The following HTR3B variants were observed in gnomAD, a reference collection of about 807,000 sequenced individuals.
HTR3B encodes 5-hydroxytryptamine (serotonin) receptor 3B, ionotropic.
A neutral mutation model predicts 42.8 loss-of-function variants in HTR3B; 44 were observed. The observed-to-expected ratio is 1.03, with a 90% CI of 0.81 to 1.32. The LOEUF is 1.32. HTR3B is among the 40% of genes most tolerant of loss of function. HTR3B has a pLI of 0.00. For missense variants in HTR3B, 527 were observed against 536.5 expected (o/e 0.98, Z 0.17); for synonymous variants, 203 against 209.0 (o/e 0.97, Z 0.25).
chr11:113,905,008 C>T (rs1399218295), intron 1 of HTR3B, 23 bp downstream of exon 1: 2 of 1,551,462 alleles, frequency 1.3e-6, no homozygotes, highest in Non-Finnish European at 1.8e-6. Context: ...AATAATTTTA[C>T]TAGGCATTAA....
chr11:113,931,713 T>C (rs17116124), intron 3 of HTR3B, 45 bp from the exon 4 acceptor site: 40,799 of 1,073,176 alleles, frequency 0.038, 1,061 homozygotes, highest in African/African-American at 0.081. Flanking sequence ...GCGAAGTAGA[T>C]ATTGCCCCAT....
intron 2 of HTR3B, among the ~76,000 whole-genome samples, chr11:113,911,756 G>A (rs373440478): frequency 5.9e-5 from 9 of 152,086 alleles, no homozygotes; most frequent in African/African-American, 2.2e-4. Context: ...TTGAACTCCC[G>A]ACCTGAAGTG....
chr11:113,914,792 C>T (rs1949835313), intron 2 of HTR3B, among the ~76,000 whole-genome samples: 1 of 152,086 alleles, frequency 6.6e-6, no homozygotes, highest in Non-Finnish European at 1.5e-5. Context: ...TTGTTTCCTT[C>T]TCAGTTTTCT....
At chr11:113,939,446 A>G (rs1950116684) in intron 6 of HTR3B, among the ~76,000 whole-genome samples, 1 of 152,214 alleles carries the variant, frequency 6.6e-6, no homozygotes, top group South Asian at 2.1e-4. Flanking sequence ...CCCTTTCAAG[A>G]GCAGGCTCTG....
At chr11:113,921,395 C>T (rs1343816221) in intron 2 of HTR3B, among the ~76,000 whole-genome samples, 16 of 152,094 alleles carry the variant, frequency 1.1e-4, no homozygotes, top group Non-Finnish European at 2.2e-4. Flanking sequence ...CTGCCCGCCT[C>T]AGCCTCCCAA....
Position 113,944,093 on chromosome 11 carries a change from C to T in HTR3B, c.908-480C>T, listed in dbSNP as rs796647159. ...GGAGTGCAGTGGTGTGATCTCCGCTCCCTGCAACCTCCGCCTCCTGGGTTC... is the reference window on the plus strand; with the variant it reads ...GGAGTGCAGTGGTGTGATCTCCGCTTCCTGCAACCTCCGCCTCCTGGGTTC... On this transcript the variant is annotated intron_variant, in intron 7 of 8. Coordinates refer to ENST00000260191, the MANE Select transcript of HTR3B (RefSeq NM_006028.5). Among the ~76,000 whole-genome samples, 105 of 151,134 alleles carry T rather than the reference C, an allele frequency of 6.9e-4. 1 individual carries two copies. Among genetic ancestry groups the T allele is most frequent in the African/African-American group, 2.3e-3 (95 of 41,158 alleles).
chr11:113,931,718 C>A (rs1185713323), intron 3 of HTR3B, 40 bp from the exon 4 acceptor site: 3 of 1,130,926 alleles, frequency 2.7e-6, no homozygotes, highest in Non-Finnish European at 2.7e-6. Flanking sequence ...GTAGATATTG[C>A]CCCATTTTGA....
At chr11:113,933,145 C>A in intron 6 of HTR3B, 52 bp downstream of exon 6, 3 of 1,573,256 alleles carry the variant, frequency 1.9e-6, no homozygotes, top group Non-Finnish European at 2.6e-6. Flanking sequence ...AGCCTTTGGC[C>A]TTCTCTCTTG....
chr11:113,915,995 TGCCTG>T (rs1949849278), intron 2 of HTR3B, among the ~76,000 whole-genome samples: 1 of 152,204 alleles, frequency 6.6e-6, no homozygotes, highest in African/African-American at 2.4e-5. Flanking sequence ...CCCACGACCG[TGCCTG>T]GCTAATTTTT....
chr11:113,932,499 C>T (rs772960625), intron 5 of HTR3B, 41 bp downstream of exon 5: 5 of 1,469,584 alleles, frequency 3.4e-6, no homozygotes, highest in Non-Finnish European at 4.7e-6. Flanking sequence ...GGTTGGTGCA[C>T]ATAGGTGAAA....
intron 6 of HTR3B, among the ~76,000 whole-genome samples, chr11:113,933,922 G>T (rs1048657540): frequency 2.0e-5 from 3 of 152,204 alleles, no homozygotes; most frequent in Admixed American, 2.0e-4. Flanking sequence ...TGAGGGAATG[G>T]TGGTCCTTCA....
intron 2 of HTR3B, among the ~76,000 whole-genome samples, chr11:113,913,017 A>C (rs962772641): frequency 4.7e-5 from 7 of 149,058 alleles, no homozygotes; most frequent in Non-Finnish European, 1.0e-4. Flanking sequence ...ATAATATAAT[A>C]ACATATAATA....
Position 113,931,429 on chromosome 11 carries a change from G to A in HTR3B, c.258+1G>A. 6.3e-7 allele frequency: 1 copy of A among 1,579,032 alleles called. No individual in the cohort carries two copies. Among genetic ancestry groups the A allele is most frequent in the Non-Finnish European group, 8.7e-7 (1 of 1,155,712 alleles). ...AAAGACAAGTGTATGGTACCAAGAG[G>A]TAAATAATTATGTTTTCTTCTAAAT... On this transcript the variant is annotated splice_donor_variant, in intron 3 of 8. Coordinates refer to ENST00000260191, the MANE Select transcript of HTR3B (RefSeq NM_006028.5). LOFTEE classifies it high-confidence loss of function.
intron 6 of HTR3B, among the ~76,000 whole-genome samples, chr11:113,941,571 G>T (rs142715339): frequency 6.6e-6 from 1 of 152,160 alleles, no homozygotes; most frequent in African/African-American, 2.4e-5. Flanking sequence ...CCACTGAGAC[G>T]CACTCCTCCA....
chr11:113,941,640 T>C (rs1191948376), intron 6 of HTR3B, among the ~76,000 whole-genome samples: 1 of 151,804 alleles, frequency 6.6e-6, no homozygotes, highest in Non-Finnish European at 1.5e-5. Context: ...GGACCACTGG[T>C]CATGCTTGAC....
At chr11:113,918,551 T>TA (rs1477620128) in intron 2 of HTR3B, among the ~76,000 whole-genome samples, 1 of 152,102 alleles carries the variant, frequency 6.6e-6, no homozygotes. Context: ...ATAATTCCCT[T>TA]ATGGTCCATC....
intron 2 of HTR3B, among the ~76,000 whole-genome samples, chr11:113,921,232 G>T (rs1321692568): frequency 6.8e-6 from 1 of 148,030 alleles, no homozygotes; most frequent in African/African-American, 2.5e-5. Flanking sequence ...TGCAACCTCC[G>T]CCTCCCAGGT....
upstream of HTR3B, among the ~76,000 whole-genome samples, chr11:113,900,491 T>C (rs1347020098): frequency 1.3e-5 from 2 of 152,110 alleles, no homozygotes; most frequent in Non-Finnish European, 2.9e-5. Context: ...ATTTATTTTA[T>C]TTTATTTTGT....
In HTR3B at chr11:113,943,985, G is replaced by T. The variant is rs1319821413; in HGVS notation, c.908-588G>T. 2.0e-5 allele frequency among the ~76,000 whole-genome samples: 3 copies of T among 151,250 alleles called. No individual in the cohort carries two copies. In the East Asian group the frequency reaches 5.9e-4, roughly 30 times the overall value. On this transcript the variant is annotated intron_variant, in intron 7 of 8. Coordinates refer to ENST00000260191, the MANE Select transcript of HTR3B (RefSeq NM_006028.5). ...AGGTGGGAGGATTGCTTGAGCCCAA[G>T]AGTTCAAGACAACATAGTGAGGACT... is the stretch of plus-strand genomic sequence containing the variant.
Sources: allele counts gnomAD v4.1 joint callset (sites outside exome capture counted in the v4.1 genomes callset), GRCh38; gene constraint gnomAD v4.1.1; transcripts MANE v1.5; gene names NCBI Gene and HGNC (gene_info 2026-07-23, HGNC 2026-07-21).